The following POLK variants were observed in gnomAD, a reference collection of about 807,000 sequenced individuals.
POLK encodes polymerase (DNA directed) kappa.
In POLK, 76 loss-of-function variants were observed where a neutral mutation model predicts 94.0. The observed-to-expected ratio is 0.81, with a 90% CI of 0.67 to 0.98. The LOEUF (loss-of-function observed/expected upper bound fraction) is 0.98, where lower values mean the gene tolerates loss of function less well. POLK is among the 50% of genes least tolerant of loss of function. The pLI is 0.00. For missense variants in POLK, 954 were observed against 1,010.1 expected, an observed-to-expected ratio of 0.94 and a Z score of 0.75; for synonymous variants, 349 against 325.4, an observed-to-expected ratio of 1.07 and a Z score of -0.78.
chr5:75,589,378 T>TACAC (rs1178926125), intron 10 of POLK, among the ~76,000 whole-genome samples: 8 of 103,044 alleles, frequency 7.8e-5, no homozygotes, highest in African/African-American at 3.2e-4. Flanking sequence ...ATTTTATATA[T>TACAC]ATACACACAT....
chr5:75,517,694 G>A (rs1437861132), intron 1 of POLK, among the ~76,000 whole-genome samples: 1 of 152,176 alleles, frequency 6.6e-6, no homozygotes, highest in African/African-American at 2.4e-5. Flanking sequence ...AGTGGTGAAG[G>A]TGGGCATCCT....
intron 5 of POLK, among the ~76,000 whole-genome samples, 194 bp from the exon 6 acceptor site, chr5:75,576,586 A>C (rs1348407618): frequency 2.0e-5 from 3 of 152,166 alleles, no homozygotes; most frequent in African/African-American, 4.8e-5. Context: ...TTCATGGTCT[A>C]TTTTAATACA....
intron 1 of POLK, among the ~76,000 whole-genome samples, chr5:75,526,464 C>G (rs1016828239): frequency 2.0e-5 from 3 of 151,304 alleles, no homozygotes; most frequent in East Asian, 3.9e-4. Context: ...CATTTGGTAC[C>G]CTTTTGTTTG....
intron 1 of POLK, among the ~76,000 whole-genome samples, chr5:75,539,563 A>G (rs1168454235): frequency 1.3e-5 from 2 of 151,962 alleles, no homozygotes; most frequent in Non-Finnish European, 2.9e-5. Flanking sequence ...TGGCACTATC[A>G]TGGTTTACTG....
chr5:75,517,230 T>C (rs1365793368), intron 1 of POLK, among the ~76,000 whole-genome samples: 1 of 152,226 alleles, frequency 6.6e-6, no homozygotes, highest in Non-Finnish European at 1.5e-5. Context: ...AAAATTGTTT[T>C]GGGTAGTATT....
chr5:75,576,970 G>C (rs1272002165), intron 6 of POLK, 37 bp downstream of exon 6: 5 of 1,307,528 alleles, frequency 3.8e-6, no homozygotes, highest in Non-Finnish European at 4.1e-6. Context: ...CCAAGAAGCA[G>C]TGAAAAAAAA....
At chr5:75,544,533 T>G (rs1174767233) in intron 1 of POLK, among the ~76,000 whole-genome samples, 1 of 152,050 alleles carries the variant, frequency 6.6e-6, no homozygotes, top group East Asian at 1.9e-4. Context: ...TTCAAGCTAC[T>G]TGGGAGGCTG....
intron 12 of POLK, among the ~76,000 whole-genome samples, chr5:75,595,349 C>T (rs1168714179): frequency 2.0e-5 from 3 of 149,246 alleles, no homozygotes; most frequent in Non-Finnish European, 3.0e-5. Flanking sequence ...TCCTTCGGTA[C>T]GTGAATGGAT....
intron 4 of POLK, 65 bp downstream of exon 4, chr5:75,569,557 T>C: frequency 7.3e-7 from 1 of 1,372,100 alleles, no homozygotes; most frequent in Non-Finnish European, 1.0e-6. Flanking sequence ...TACTGTTTCA[T>C]GAAGGGGGAA....
chr5:75,587,004 G>C (rs1481153789), intron 9 of POLK, 22 bp from the exon 10 acceptor site: 1 of 1,528,918 alleles, frequency 6.5e-7, no homozygotes, highest in Non-Finnish European at 8.9e-7. Flanking sequence ...GAAAAATAAA[G>C]ACCTTTTTTT....
chr5:75,518,937 T>G (rs1281016963), intron 1 of POLK, among the ~76,000 whole-genome samples: 2 of 152,124 alleles, frequency 1.3e-5, no homozygotes, highest in Non-Finnish European at 2.9e-5. Flanking sequence ...CTCAATCTCC[T>G]TGGTTCAGGT....
chr5:75,511,482 G>A, upstream of POLK: 1 of 1,504,768 alleles, frequency 6.6e-7, no homozygotes, highest in Non-Finnish European at 8.9e-7. Flanking sequence ...GTTGCGCCCG[G>A]CGCTGCCACC....
At chr5:75,525,381 A>C (rs1347990864) in intron 1 of POLK, among the ~76,000 whole-genome samples, 1 of 152,204 alleles carries the variant, frequency 6.6e-6, no homozygotes, top group South Asian at 2.1e-4. Context: ...AATCAAAATG[A>C]TGTTACTAGA....
At chr5:75,530,396 C>CTTTT (rs201266079) in intron 1 of POLK, among the ~76,000 whole-genome samples, 1 of 61,626 alleles carries the variant, frequency 1.6e-5, no homozygotes, top group Non-Finnish European at 3.2e-5. Context: ...TTCCCTTTTT[C>CTTTT]TTTTTTTTTT....
At chr5:75,542,336 T>A (rs1737708836) in intron 1 of POLK, among the ~76,000 whole-genome samples, 1 of 151,970 alleles carries the variant, frequency 6.6e-6, no homozygotes, top group African/African-American at 2.4e-5. Flanking sequence ...TCACTCTCCC[T>A]TTCCCCCATC....
At chr5:75,589,380 TACAC>T (rs1156672391) in intron 10 of POLK, among the ~76,000 whole-genome samples, 4 of 67,752 alleles carry the variant, frequency 5.9e-5, no homozygotes, top group Non-Finnish European at 1.2e-4. Context: ...TTTATATATA[TACAC>T]ACATACACAC....
intron 1 of POLK, among the ~76,000 whole-genome samples, chr5:75,541,374 T>G (rs1769733653): frequency 6.6e-6 from 1 of 152,264 alleles, no homozygotes; most frequent in African/African-American, 2.4e-5. Flanking sequence ...GTAGGTAATA[T>G]GTTTATATCA....
chr5:75,571,702 A>G (rs1299302649), intron 4 of POLK, among the ~76,000 whole-genome samples: 3 of 152,188 alleles, frequency 2.0e-5, no homozygotes, highest in African/African-American at 7.2e-5. Context: ...CCTAGGTTTC[A>G]GAACTCAGTG....
intron 1 of POLK, among the ~76,000 whole-genome samples, chr5:75,524,420 C>A (rs984819361): frequency 4.6e-5 from 7 of 152,126 alleles, no homozygotes; most frequent in African/African-American, 1.7e-4. Context: ...CTCTCTTAGG[C>A]TCTTGGAGAA....
Sources: allele counts gnomAD v4.1 joint callset (sites outside exome capture counted in the v4.1 genomes callset), GRCh38; gene constraint gnomAD v4.1.1; transcripts MANE v1.5; gene names NCBI Gene and HGNC (gene_info 2026-07-23, HGNC 2026-07-21).